Variants in ST7 observed in about 807,000 individuals in gnomAD.
ST7 encodes suppression of tumorigenicity 7.
ST7 carries 28 observed loss-of-function variants against 78.7 expected under a neutral mutation model. That is an observed-to-expected ratio of 0.36 (90% CI 0.26 to 0.49). The LOEUF (loss-of-function observed/expected upper bound fraction) is 0.49. Ranked by LOEUF, ST7 falls within the 20% of genes least tolerant of loss-of-function variation. The pLI is 0.99. For missense variants in ST7, 418 were observed against 696.0 expected (o/e 0.60, Z 4.49); for synonymous variants, 247 against 249.6 (o/e 0.99, Z 0.10).
At chr7:117,118,019 T>C (rs1308302669) in intron 2 of ST7, 3 of 152,368 alleles carry the variant, frequency 2.0e-5, no homozygotes, top group African/African-American at 7.2e-5. Flanking sequence ...AGTCTTGTCC[T>C]TTCTTAACTT....
intron 12 of ST7, among the ~76,000 whole-genome samples, chr7:117,199,851 T>A (rs947896630): frequency 2.0e-5 from 3 of 152,208 alleles, no homozygotes; most frequent in Non-Finnish European, 4.4e-5. Flanking sequence ...GCCCAGGTGC[T>A]CTGTTAACTC....
At chr7:117,214,300 C>G (rs1792518076) in intron 13 of ST7, among the ~76,000 whole-genome samples, 2 of 152,072 alleles carry the variant, frequency 1.3e-5, no homozygotes, top group Non-Finnish European at 2.9e-5. Context: ...CCCCCCGCCC[C>G]AAAGAATCCA....
In ST7 at chr7:117,165,694, T is replaced by G. The variant is rs947561426; in HGVS notation, c.964-5168T>G. ...TGGAGAAGATGGACAAGTAGATGAT[T>G]GTGACAAGGACTCTGGTAGTTCAGG... On this transcript the variant is annotated intron_variant, in intron 9 of 15. Transcript: ENST00000323984. Among the ~76,000 whole-genome samples, 3 of 152,106 alleles carry G rather than the reference T, an allele frequency of 2.0e-5. No homozygotes were observed. The East Asian group carries it at 5.8e-4, about 29-fold the overall frequency.
chr7:117,184,062 G>T (rs950471613), intron 10 of ST7: 2 of 152,204 alleles, frequency 1.3e-5, no homozygotes, highest in African/African-American at 4.8e-5. Context: ...TTTAATGAAA[G>T]GCTTTCATGA....
intron 9 of ST7, among the ~76,000 whole-genome samples, chr7:117,165,492 G>A (rs1048381150): frequency 6.6e-6 from 1 of 152,140 alleles, no homozygotes; most frequent in Non-Finnish European, 1.5e-5. Flanking sequence ...GCCTGAAGTA[G>A]AGCTGTGGCA....
chr7:117,081,118 A>G (rs1354771206), intron 1 of ST7: 1 of 152,146 alleles, frequency 6.6e-6, no homozygotes, highest in African/African-American at 2.4e-5. Context: ...TTTCCAAATA[A>G]AAGCAAAAAT....
intron 1 of ST7, among the ~76,000 whole-genome samples, chr7:116,973,888 TA>T (rs1793565420): frequency 6.6e-6 from 1 of 152,246 alleles, no homozygotes; most frequent in Non-Finnish European, 1.5e-5. Flanking sequence ...ATAGGTAAAT[TA>T]ATGCTGCATG....
At chr7:117,114,915 C>A (rs1802737613) in intron 2 of ST7, among the ~76,000 whole-genome samples, 1 of 152,152 alleles carries the variant, frequency 6.6e-6, no homozygotes, top group South Asian at 2.1e-4. Flanking sequence ...GAAGCTTAGG[C>A]CAGCTGGAAA....
intron 1 of ST7, chr7:116,956,626 A>G (rs1349378529): frequency 1.1e-5 from 5 of 471,102 alleles, no homozygotes; most frequent in Non-Finnish European, 2.2e-5. Context: ...GGAATCTGCT[A>G]AAAGTGTTCT....
At chr7:116,974,224 C>T (rs2116276694) in intron 1 of ST7, among the ~76,000 whole-genome samples, 1 of 152,140 alleles carries the variant, frequency 6.6e-6, no homozygotes, top group African/African-American at 2.4e-5. Context: ...GACTCTAGAA[C>T]CTCCATTTTG....
intron 1 of ST7, among the ~76,000 whole-genome samples, chr7:116,995,743 C>T (rs1034519933): frequency 1.4e-4 from 22 of 152,204 alleles, no homozygotes; most frequent in African/African-American, 5.1e-4. Flanking sequence ...CTATTTGTTC[C>T]AGTCAGTTGT....
At chr7:116,977,733 T>C (rs540821963) in intron 1 of ST7, among the ~76,000 whole-genome samples, 79 of 152,260 alleles carry the variant, frequency 5.2e-4, no homozygotes, top group Non-Finnish European at 6.6e-4. Flanking sequence ...TTTGTATCTT[T>C]AGTAGAGACA....
chr7:117,078,783 G>C (rs1482238175), intron 1 of ST7, among the ~76,000 whole-genome samples: 2 of 152,166 alleles, frequency 1.3e-5, no homozygotes, highest in African/African-American at 2.4e-5. Flanking sequence ...TAATTGGTTG[G>C]GGTGAATTCT....
chr7:117,119,340 G>A (rs1323104972), intron 2 of ST7, among the ~76,000 whole-genome samples: 2 of 152,114 alleles, frequency 1.3e-5, no homozygotes, highest in Non-Finnish European at 2.9e-5. Flanking sequence ...ATCCATGATT[G>A]ATGTTATAGT....
chr7:116,965,979 T>C (rs1300162901), intron 1 of ST7: 2 of 365,304 alleles, frequency 5.5e-6, no homozygotes, highest in Non-Finnish European at 1.1e-5. Context: ...GCAAGAGATT[T>C]TCCCCTATCA....
chr7:116,974,913 C>G (rs1479027960), intron 1 of ST7, among the ~76,000 whole-genome samples: 1 of 152,202 alleles, frequency 6.6e-6, no homozygotes, highest in Non-Finnish European at 1.5e-5. Flanking sequence ...TCAGTACTTT[C>G]ACTACTTTGC....
chr7:117,120,027 C>G (rs902110119), intron 3 of ST7, among the ~76,000 whole-genome samples: 4 of 151,826 alleles, frequency 2.6e-5, no homozygotes, highest in African/African-American at 9.7e-5. Context: ...CTCTTATGCT[C>G]GGGTGATCCT....
chr7:116,968,778 G>A (rs1793270195), intron 1 of ST7, among the ~76,000 whole-genome samples: 1 of 152,274 alleles, frequency 6.6e-6, no homozygotes, highest in Admixed American at 6.5e-5. Flanking sequence ...AAATCATAGT[G>A]GTAGTTACTG....
At chr7:117,175,758 T>C (rs1448750840) in intron 10 of ST7, among the ~76,000 whole-genome samples, 1 of 152,226 alleles carries the variant, frequency 6.6e-6, no homozygotes, top group Non-Finnish European at 1.5e-5. Flanking sequence ...TCAAGAACAG[T>C]GTGGGACACA....
Sources: allele counts gnomAD v4.1 joint callset (sites outside exome capture counted in the v4.1 genomes callset), GRCh38; gene constraint gnomAD v4.1.1; transcripts MANE v1.5; gene names NCBI Gene and HGNC (gene_info 2026-07-23, HGNC 2026-07-21).